Variants in CTNND2 observed in about 807,000 individuals in gnomAD.
CTNND2 encodes catenin delta-2.
A neutral mutation model predicts 144.4 loss-of-function variants in CTNND2; 22 were observed. The observed-to-expected ratio is 0.15, with a 90% CI of 0.11 to 0.22. CTNND2 has a LOEUF of 0.22. Ranked by LOEUF, CTNND2 falls within the 10% of genes least tolerant of loss-of-function variation. CTNND2 has a pLI of 1.00. For synonymous variants in CTNND2, 751 were observed against 695.6 expected, an observed-to-expected ratio of 1.08 and a Z score of -1.25; for missense variants, 1,353 against 1,618.8, an observed-to-expected ratio of 0.84 and a Z score of 2.82.
intron 1 of CTNND2, among the ~76,000 whole-genome samples, chr5:11,737,574 A>G (rs1385467258): frequency 6.6e-6 from 1 of 152,148 alleles, no homozygotes; most frequent in African/African-American, 2.4e-5. Flanking sequence ...CAACACCACT[A>G]GCAGTTTCAG....
chr5:11,103,499 C>T (rs986829619), intron 14 of CTNND2, among the ~76,000 whole-genome samples: 4 of 151,698 alleles, frequency 2.6e-5, no homozygotes, highest in Non-Finnish European at 4.4e-5. Context: ...GGTGAAACCC[C>T]ACCTCTACAA....
At chr5:11,390,304 G>A (rs918831420) in intron 6 of CTNND2, among the ~76,000 whole-genome samples, 1 of 152,206 alleles carries the variant, frequency 6.6e-6, no homozygotes, top group African/African-American at 2.4e-5. Flanking sequence ...ACTCGTTTTA[G>A]TGCCAAGCAC....
At chr5:11,263,709 C>T (rs774368031) in intron 9 of CTNND2, among the ~76,000 whole-genome samples, 2 of 152,158 alleles carry the variant, frequency 1.3e-5, no homozygotes, top group Non-Finnish European at 2.9e-5. Flanking sequence ...TTTACAGTTA[C>T]TGTGTGTATC....
At position 11,316,467 on chromosome 5, in the gene CTNND2, T is replaced by TA. The variant is rs1561206791; in HGVS notation, c.1628+29904_1628+29905insT. Among the ~76,000 whole-genome samples the TA allele has an allele frequency of 3.8e-3, 148 of 39,064 alleles. 1 individual carries two copies. Among genetic ancestry groups the TA allele is most frequent in the South Asian group, 0.02 (26 of 1,274 alleles). 25.6% of individuals were successfully genotyped at this position (39,064 alleles called of 152,430 possible). A position where few individuals can be genotyped will look rare whatever the true frequency, so the allele number is the denominator to read the frequency against. On this transcript the variant is annotated intron_variant, in intron 9 of 21. Coordinates refer to ENST00000304623, the MANE Select transcript of CTNND2 (RefSeq NM_001332.4). Reference sequence around the variant, plus strand: ...GAGGTAGGTACTCTTATCCACTATTTTTTATTATTATTATTATTATTATTA... The same window carrying TA: ...GAGGTAGGTACTCTTATCCACTATTTATTTATTATTATTATTATTATTATTA...
chr5:11,295,834 A>C (rs1194148289), intron 9 of CTNND2, among the ~76,000 whole-genome samples: 1 of 152,172 alleles, frequency 6.6e-6, no homozygotes, highest in African/African-American at 2.4e-5. Flanking sequence ...AAATTAATTC[A>C]AGATGCATTA....
chr5:11,552,632 C>T (rs1775862030), intron 3 of CTNND2, among the ~76,000 whole-genome samples: 1 of 152,190 alleles, frequency 6.6e-6, no homozygotes, highest in Non-Finnish European at 1.5e-5. Context: ...AAAGGCACGC[C>T]TTAAATGTGT....
At chr5:11,418,266 C>A (rs182454185) in intron 3 of CTNND2, among the ~76,000 whole-genome samples, 1 of 151,956 alleles carries the variant, frequency 6.6e-6, no homozygotes, top group Admixed American at 6.6e-5. Flanking sequence ...AGTAGCTGGG[C>A]GTGGTGGCGC....
At chr5:11,520,088 A>G (rs986490582) in intron 3 of CTNND2, among the ~76,000 whole-genome samples, 9 of 151,060 alleles carry the variant, frequency 6.0e-5, no homozygotes, top group African/African-American at 2.2e-4. Flanking sequence ...AAGAGGTTGC[A>G]ATGAGCCGAG....
chr5:11,488,017 G>A (rs1316624388), intron 3 of CTNND2, among the ~76,000 whole-genome samples: 1 of 152,194 alleles, frequency 6.6e-6, no homozygotes, highest in African/African-American at 2.4e-5. Flanking sequence ...GATGCTGCTA[G>A]TTGTCCACCC....
intron 1 of CTNND2, among the ~76,000 whole-genome samples, chr5:11,848,274 C>T (rs539024289): frequency 3.3e-5 from 5 of 152,160 alleles, no homozygotes; most frequent in South Asian, 2.1e-4. Flanking sequence ...TAAAGACATA[C>T]AGTTTCAAAT....
At chr5:11,525,988 TC>T (rs1305180822) in intron 3 of CTNND2, among the ~76,000 whole-genome samples, 1 of 152,192 alleles carries the variant, frequency 6.6e-6, no homozygotes, top group Non-Finnish European at 1.5e-5. Flanking sequence ...CACTACAACC[TC>T]CGTCTCCCAG....
intron 15 of CTNND2, among the ~76,000 whole-genome samples, chr5:11,088,739 T>C (rs1323087579): frequency 6.6e-6 from 1 of 150,724 alleles, no homozygotes; most frequent in Non-Finnish European, 1.5e-5. Context: ...AAGTCTTAGG[T>C]AGTAAGTTAA....
chr5:11,853,682 T>C (rs765663873), intron 1 of CTNND2, among the ~76,000 whole-genome samples: 1 of 152,160 alleles, frequency 6.6e-6, no homozygotes, highest in Non-Finnish European at 1.5e-5. Context: ...CTTCTCCTTC[T>C]CATTTGGTGC....
At position 11,656,999 on chromosome 5, in the gene CTNND2, T is replaced by C. The variant is rs144812477; in HGVS notation, c.174+75137A>G. On this transcript the variant is annotated intron_variant, in intron 2 of 21. Transcript: ENST00000304623. ...CAGTTAGGGCTGTTGTCTGAAAACA[T>C]TCCAGTGACATATTCTGATGAGACC... 3.6e-3 allele frequency among the ~76,000 whole-genome samples: 555 copies of C among 152,224 alleles called. 2 individuals carry two copies. Among genetic ancestry groups the C allele is most frequent in the African/African-American group, 0.013 (539 of 41,546 alleles).
intron 2 of CTNND2, among the ~76,000 whole-genome samples, chr5:11,665,459 A>G (rs762193158): frequency 1.2e-4 from 19 of 152,330 alleles, no homozygotes; most frequent in Non-Finnish European, 2.6e-4. Flanking sequence ...AAATCTTACT[A>G]CATTTTCACA....
Position 11,018,029 on chromosome 5 carries a change from G to T in CTNND2, c.3029C>A (p.Ser1010Tyr), listed in dbSNP as rs1311346056. The T allele has an allele frequency of 1.2e-6, 2 of 1,613,464 alleles. No individual in the cohort carries two copies. The highest frequency in any genetic ancestry group is 1.7e-6 in the Non-Finnish European group (2 of 1,179,566). The part of the protein sequence containing the change: ...KHSPKVVKAA[S>Y]QVLNSMWQYR... ...CTGCCACATGCTGTTGAGGACCTGA[G>T]ATGCAGCCTTGACCACTTTTGGAGA... Residue 1010 changes from serine to tyrosine, a missense_variant, in exon 18 of 22, where the codon TCT becomes TAT. Coordinates refer to ENST00000304623, the MANE Select transcript of CTNND2 (RefSeq NM_001332.4).
chr5:11,328,520 C>T (rs1229155904), intron 9 of CTNND2, among the ~76,000 whole-genome samples: 1 of 151,960 alleles, frequency 6.6e-6, no homozygotes, highest in Non-Finnish European at 1.5e-5. Context: ...CCAGGCTGGT[C>T]TCAAAATTCC....
intron 11 of CTNND2, among the ~76,000 whole-genome samples, chr5:11,193,497 C>T (rs1319406285): frequency 6.6e-6 from 1 of 151,978 alleles, no homozygotes. Flanking sequence ...GGACAATGTA[C>T]CTGGACATTA....
rs555948378 is a variant in CTNND2 at position 11,904,296 on chromosome 5, C to T, written c.-443G>A. Reference sequence around the variant, plus strand: ...AGCTGCGCCCCGCGCGCGGCCCGCGCCACCTGTGCCGCCGCCGCCTCAGCC... The same window carrying T: ...AGCTGCGCCCCGCGCGCGGCCCGCGTCACCTGTGCCGCCGCCGCCTCAGCC... On this transcript the variant is annotated 5_prime_UTR_variant, in exon 1 of 22. Transcript: ENST00000304623. This position sits in a 1 kb window ranked among gnomAD's most constrained non-coding sequence, Gnocchi z 4.2. Among the ~76,000 whole-genome samples the T allele has an allele frequency of 4.1e-5, 6 of 147,070 alleles. No individual in the cohort carries two copies. The highest frequency in any genetic ancestry group is 1.5e-4 in the African/African-American group (6 of 40,984).
Sources: gnomAD v4.1 joint callset for allele counts (sites outside exome capture counted in the v4.1 genomes callset) on GRCh38, gnomAD v4.1.1 for gene constraint, Gnocchi (gnomAD v3.1) non-coding constraint, MANE v1.5 for transcripts, NCBI Gene and HGNC (gene_info 2026-07-23, HGNC 2026-07-21) for gene names.